AFF2: variants seen among roughly 807,000 people sequenced by gnomAD.
The protein encoded by AFF2 is AF4/FMR2 family member 2.
Under a neutral mutation model 76.9 loss-of-function variants are expected in AFF2, and 14 were observed. The ratio of observed to expected loss-of-function variants is 0.18; its 90% confidence interval spans 0.12 to 0.28. AFF2 has a LOEUF of 0.28. Among genes scored for constraint, AFF2 ranks in the 10% least tolerant of loss-of-function variants. AFF2 has a pLI of 1.00. For synonymous variants in AFF2, 398 were observed against 366.7 expected, an observed-to-expected ratio of 1.09 and a Z score of -0.98; for missense variants, 868 against 1,001.1, an observed-to-expected ratio of 0.87 and a Z score of 1.79.
At chrX:148,709,595 C>T (rs782150852) in intron 3 of AFF2, among the ~76,000 whole-genome samples, 12 of 112,084 alleles carry the variant, frequency 1.1e-4, no homozygotes, top group Admixed American at 2.8e-4. Flanking sequence ...GTAAATATTA[C>T]GGTGTAAAGT....
chrX:148,527,180 A>G (rs1376433161), intron 1 of AFF2, among the ~76,000 whole-genome samples: 1 of 112,335 alleles, frequency 8.9e-6, no homozygotes, highest in Non-Finnish European at 1.9e-5. Flanking sequence ...CTCCTGATGA[A>G]ATGCACTGAG....
At chrX:148,513,459 G>A (rs1187723570) in intron 1 of AFF2, among the ~76,000 whole-genome samples, 4 of 111,670 alleles carry the variant, frequency 3.6e-5, no homozygotes, top group South Asian at 3.8e-4. Context: ...AATGGAGGAC[G>A]GAAAGGTGAG....
At position 148,997,270 on chromosome X, in the gene AFF2, A is replaced by G. The variant is rs1444643693; in HGVS notation, c.*5938A>G. Reference sequence around the variant, plus strand: ...AAGGCATAAACTAAAGTATATAATGAGGCTTTCATTAAATACACACACACA... The same window carrying G: ...AAGGCATAAACTAAAGTATATAATGGGGCTTTCATTAAATACACACACACA... On this transcript the variant is annotated 3_prime_UTR_variant, in exon 21 of 21. Transcript: ENST00000370460. 9.3e-6 allele frequency: 1 copy of G among 107,683 alleles called. No individual in the cohort carries two copies. The highest frequency in any genetic ancestry group is 1.9e-5 in the Non-Finnish European group (1 of 53,032). 8.9% of individuals were successfully genotyped at this position (107,683 alleles called of 1,213,427 possible). A position where few individuals can be genotyped will look rare whatever the true frequency, so the allele number is the denominator to read the frequency against.
At chrX:148,603,532 T>G (rs2053646657) in intron 1 of AFF2, among the ~76,000 whole-genome samples, 1 of 110,107 alleles carries the variant, frequency 9.1e-6, no homozygotes, top group African/African-American at 3.3e-5. Context: ...TTCTGTAGCT[T>G]ATTTTTATTT....
At chrX:148,889,415 AT>A (rs1327802556) in intron 8 of AFF2, among the ~76,000 whole-genome samples, 4 of 111,862 alleles carry the variant, frequency 3.6e-5, no homozygotes, top group African/African-American at 1.3e-4. Context: ...TGAGTCCAGA[AT>A]GGGGGAATTA....
chrX:148,980,743 T>C lies in AFF2; in HGVS notation c.3576T>C (p.Asn1192=), dbSNP rs797044666. 1 of 1,197,063 alleles carries C rather than the reference T, an allele frequency of 8.4e-7. No individual in the cohort carries two copies. The highest frequency in any genetic ancestry group is 1.1e-6 in the Non-Finnish European group (1 of 884,976). ...SRSLMEYFKQ[N]ASKVAQIPSP... Reference sequence around the variant, plus strand: ...CTCTTCTCTCTCTCTTTTAGCAAAATGCTTCAAAAGTCGCACAGATACCCT... The same window carrying C: ...CTCTTCTCTCTCTCTTTTAGCAAAACGCTTCAAAAGTCGCACAGATACCCT... The change falls in exon 19 of 21, where the codon AAT becomes AAC. Residue 1192 remains asparagine (N), a synonymous_variant. Transcript: ENST00000370460.
intron 1 of AFF2, among the ~76,000 whole-genome samples, chrX:148,576,339 G>A (rs2053287273): frequency 8.9e-6 from 1 of 111,769 alleles, no homozygotes; most frequent in Non-Finnish European, 1.9e-5. Context: ...AGAGGAATGA[G>A]CAGAGTCTAC....
intron 3 of AFF2, among the ~76,000 whole-genome samples, chrX:148,761,866 G>C (rs1557267292): frequency 1.8e-5 from 2 of 110,317 alleles, no homozygotes; most frequent in Non-Finnish European, 3.8e-5. Flanking sequence ...TTCCCTGCAA[G>C]TGTAGACTTT....
intron 1 of AFF2, among the ~76,000 whole-genome samples, chrX:148,602,746 G>A (rs1557248249): frequency 4.5e-5 from 5 of 110,224 alleles, no homozygotes; most frequent in African/African-American, 1.7e-4. Flanking sequence ...AGCAGCCTTG[G>A]TTTTGATCCT....
At chrX:148,844,211 T>C (rs1189389378) in intron 7 of AFF2, among the ~76,000 whole-genome samples, 2 of 112,040 alleles carry the variant, frequency 1.8e-5, no homozygotes, top group East Asian at 2.8e-4. Flanking sequence ...GCAGCCATGA[T>C]TGGACATGAA....
In AFF2 at chrX:148,500,670, C is replaced by CGCCGCCGCCGCCGCT. The variant is rs1177058713; in HGVS notation, c.-421_-407dup. The CGCCGCCGCCGCCGCT allele has an allele frequency of 1.7e-4, 16 of 96,085 alleles. 1 individual carries two copies. 7.9% of individuals were successfully genotyped at this position (96,085 alleles called of 1,213,427 possible). On this transcript the variant is annotated 5_prime_UTR_variant, in exon 1 of 21. Transcript: ENST00000370460. ...CCGCCGCCGCCGCCGCCGCCGCCGC[C>CGCCGCCGCCGCCGCT]GCCGCCGCCGCCGCTGCCGCCCCGG...
At chrX:148,836,248 C>G (rs1644651227) in intron 4 of AFF2, among the ~76,000 whole-genome samples, 1 of 112,028 alleles carries the variant, frequency 8.9e-6, no homozygotes, top group Admixed American at 9.5e-5. Flanking sequence ...GTTACCTCCT[C>G]CTTTTTAAAT....
chrX:148,983,951 G>GAAAAAAAAAAAAAAAAA lies in AFF2; in HGVS notation c.3623+3162_3623+3163insAAAAAAAAAAAAAAAAA, dbSNP rs1569558020. Among the ~76,000 whole-genome samples, 2 of 2,853 alleles carry GAAAAAAAAAAAAAAAAA rather than the reference G, an allele frequency of 7.0e-4. 1 individual carries two copies. Among genetic ancestry groups the GAAAAAAAAAAAAAAAAA allele is most frequent in the Non-Finnish European group, 0.025 (2 of 79 alleles). 2.5% of individuals were successfully genotyped at this position (2,853 alleles called of 115,157 possible). On this transcript the variant is annotated intron_variant, in intron 19 of 20. Coordinates refer to ENST00000370460, the MANE Select transcript of AFF2 (RefSeq NM_002025.4). The stretch of plus-strand genomic sequence containing the variant: ...CTGAAGTATGGCACAGAGTGAAATA[G>GAAAAAAAAAAAAAAAAA]ACAAAAAAAAAAAAAAACTGCCCTC...
chrX:148,810,596 C>A (rs1319261318), intron 4 of AFF2, among the ~76,000 whole-genome samples: 1 of 112,069 alleles, frequency 8.9e-6, no homozygotes, highest in Non-Finnish European at 1.9e-5. Flanking sequence ...TGGTAATGAG[C>A]TCCTGAGCTC....
intron 1 of AFF2, among the ~76,000 whole-genome samples, chrX:148,595,467 A>T (rs1426021345): frequency 8.9e-6 from 1 of 112,454 alleles, no homozygotes; most frequent in Non-Finnish European, 1.9e-5. Flanking sequence ...AGTAGGTCAG[A>T]AAGCTCTGAA....
intron 3 of AFF2, among the ~76,000 whole-genome samples, chrX:148,679,187 C>A (rs367786539): frequency 1.9e-5 from 2 of 103,644 alleles, no homozygotes; most frequent in South Asian, 4.6e-4. Context: ...TAGCAATATA[C>A]GTATAAAAGC....
chrX:148,976,870 C>T (rs1258459458), intron 16 of AFF2, among the ~76,000 whole-genome samples: 1 of 112,498 alleles, frequency 8.9e-6, no homozygotes, highest in African/African-American at 3.2e-5. Flanking sequence ...AAGGGACCCA[C>T]GTTAAATGTA....
At chrX:148,519,241 A>G (rs2052570185) in intron 1 of AFF2, among the ~76,000 whole-genome samples, 2 of 112,058 alleles carry the variant, frequency 1.8e-5, no homozygotes, top group South Asian at 7.4e-4. Context: ...GAAGTCAGTT[A>G]ACTATTCTTC....
chrX:148,944,214 G>A (rs1440474533), intron 9 of AFF2, among the ~76,000 whole-genome samples: 1 of 111,969 alleles, frequency 8.9e-6, no homozygotes, highest in Non-Finnish European at 1.9e-5. Context: ...CCATCTCCGG[G>A]CCAGCTTTTG....
Sources: gnomAD v4.1 joint callset for allele counts (sites outside exome capture counted in the v4.1 genomes callset) on GRCh38, gnomAD v4.1.1 for gene constraint, MANE v1.5 for transcripts, NCBI Gene and HGNC (gene_info 2026-07-23, HGNC 2026-07-21) for gene names.